Variants in PLCL1 observed in about 807,000 individuals in gnomAD.
The protein encoded by PLCL1 is phospholipase C like 1 (inactive).
Under a neutral mutation model 84.4 loss-of-function variants are expected in PLCL1, and 41 were observed. That is an observed-to-expected ratio of 0.49 (90% CI 0.38 to 0.63). The LOEUF is 0.63. PLCL1 is among the 30% of genes least tolerant of loss of function. PLCL1 has a pLI of 0.00. For synonymous variants in PLCL1, 490 were observed against 488.3 expected (o/e 1.00, Z -0.05); for missense variants, 1,206 against 1,367.8 (o/e 0.88, Z 1.87).
chr2:198,121,981 C>T (rs1386303461), intron 5 of PLCL1, among the ~76,000 whole-genome samples: 1 of 152,030 alleles, frequency 6.6e-6, no homozygotes, highest in East Asian at 1.9e-4. Context: ...TCAGCTCCTT[C>T]AAGCCATTTC....
intron 1 of PLCL1, among the ~76,000 whole-genome samples, chr2:198,022,802 T>C (rs931592534): frequency 3.3e-5 from 5 of 152,162 alleles, no homozygotes; most frequent in African/African-American, 7.2e-5. Context: ...AGAATCGATA[T>C]AGTGAAAATG....
intron 1 of PLCL1, among the ~76,000 whole-genome samples, chr2:197,936,792 G>A (rs1689063363): frequency 6.6e-6 from 1 of 152,038 alleles, no homozygotes; most frequent in Non-Finnish European, 1.5e-5. Context: ...TGTTGCTTGT[G>A]CTTTTAAGGT....
At chr2:197,924,196 A>G (rs1688789565) in intron 1 of PLCL1, among the ~76,000 whole-genome samples, 1 of 150,730 alleles carries the variant, frequency 6.6e-6, no homozygotes, top group Admixed American at 6.6e-5. Context: ...GCCCCCTTAC[A>G]TTTTTGCACG....
At chr2:198,131,759 A>G (rs571512059) in intron 5 of PLCL1, among the ~76,000 whole-genome samples, 1 of 152,144 alleles carries the variant, frequency 6.6e-6, no homozygotes, top group Non-Finnish European at 1.5e-5. Context: ...TTATCAAGCA[A>G]TCAAATGGTG....
intron 1 of PLCL1, among the ~76,000 whole-genome samples, chr2:198,048,954 T>C (rs1157862507): frequency 6.6e-6 from 1 of 152,220 alleles, no homozygotes; most frequent in Non-Finnish European, 1.5e-5. Context: ...GCAAAGTGAA[T>C]GGCTTATGCC....
chr2:198,090,585 C>G (rs1303321110), intron 3 of PLCL1, among the ~76,000 whole-genome samples: 3 of 152,036 alleles, frequency 2.0e-5, no homozygotes, highest in African/African-American at 7.2e-5. Flanking sequence ...ATGACCATAC[C>G]TGTTATAAAA....
rs192884965 is a variant in PLCL1 at position 197,978,214 on chromosome 2, C to T, written c.241-105544C>T. 9.2e-5 allele frequency among the ~76,000 whole-genome samples: 14 copies of T among 152,302 alleles called. No homozygotes were observed. The East Asian group carries it at 1.2e-3, about 13-fold the overall frequency. On this transcript the variant is annotated intron_variant, in intron 1 of 5. Transcript: ENST00000428675. ...AGTTCAGGCCGGGTGTGGTGGCTCA[C>T]GCCTGTAATCCCAGAACTTTGGGAG...
intron 5 of PLCL1, among the ~76,000 whole-genome samples, chr2:198,133,476 T>C (rs973400397): frequency 1.3e-5 from 2 of 148,290 alleles, no homozygotes; most frequent in Admixed American, 1.3e-4. Context: ...TGTATACATA[T>C]GTAACTAACC....
rs539022628 is a variant in PLCL1, at chr2:197,869,209, C to T, written c.240+63870C>T. Among the ~76,000 whole-genome samples the T allele has an allele frequency of 2.0e-5, 3 of 152,148 alleles. No individual in the cohort carries two copies. In the East Asian group the frequency reaches 5.8e-4, roughly 29 times the overall value. ...TAAGTAACTGAGTTTGAATTAAAACCAGGACTGTCCGATTTAAAGGCCCTA... is the reference window on the plus strand; with the variant it reads ...TAAGTAACTGAGTTTGAATTAAAACTAGGACTGTCCGATTTAAAGGCCCTA... On this transcript the variant is annotated intron_variant, in intron 1 of 5. Transcript: ENST00000428675.
chr2:198,023,595 C>T (rs1691190848), intron 1 of PLCL1, among the ~76,000 whole-genome samples: 1 of 152,194 alleles, frequency 6.6e-6, no homozygotes, highest in Non-Finnish European at 1.5e-5. Flanking sequence ...AGGATATGGA[C>T]AGACGCTTTT....
chr2:198,099,170 A>G (rs759302704), intron 3 of PLCL1, among the ~76,000 whole-genome samples: 2 of 152,142 alleles, frequency 1.3e-5, no homozygotes, highest in African/African-American at 4.8e-5. Flanking sequence ...CCCAGCCGTC[A>G]TGGCTGAGTC....
At chr2:198,013,961 C>T (rs1311206976) in intron 1 of PLCL1, among the ~76,000 whole-genome samples, 2 of 152,040 alleles carry the variant, frequency 1.3e-5, no homozygotes, top group African/African-American at 4.8e-5. Flanking sequence ...GAACTCTGCG[C>T]TCTTTATGGC....
At chr2:198,123,220 C>CCTCAAT (rs2105929522) in intron 5 of PLCL1, among the ~76,000 whole-genome samples, 1 of 152,028 alleles carries the variant, frequency 6.6e-6, no homozygotes, top group East Asian at 1.9e-4. Flanking sequence ...GCAAACTATC[C>CCTCAAT]CTCAATTTTA....
At chr2:197,822,418 A>G (rs966445303) in intron 1 of PLCL1, among the ~76,000 whole-genome samples, 1 of 152,170 alleles carries the variant, frequency 6.6e-6, no homozygotes, top group African/African-American at 2.4e-5. Flanking sequence ...TATAAAGAGT[A>G]AGTTTAAGTT....
At position 198,084,414 on chromosome 2, in the gene PLCL1, C is replaced by T. The variant is rs757754761; in HGVS notation, c.897C>T (p.Thr299=). 23 of 1,614,056 alleles carry T rather than the reference C, an allele frequency of 1.4e-5. No homozygotes were observed. The highest frequency in any genetic ancestry group is 1.7e-4 in the Middle Eastern group (1 of 6,060). The change falls in exon 2 of 6, where the codon ACC becomes ACT. Residue 299 remains threonine (T), a synonymous_variant. Transcript: ENST00000428675. ...KSKEKLTTRV[T]EEEFCEAFCE... ...AGGAAAAACTAACCACCCGCGTGAC[C>T]GAAGAGGAATTTTGTGAAGCTTTTT...
At chr2:197,838,657 C>T (rs190665097) in intron 1 of PLCL1, among the ~76,000 whole-genome samples, 9 of 152,252 alleles carry the variant, frequency 5.9e-5, no homozygotes, top group Admixed American at 5.2e-4. Flanking sequence ...GAAATATAAA[C>T]ACATATATCA....
At chr2:197,809,637 T>TA (rs1284876433) in intron 1 of PLCL1, among the ~76,000 whole-genome samples, 1 of 152,172 alleles carries the variant, frequency 6.6e-6, no homozygotes, top group African/African-American at 2.4e-5. Flanking sequence ...GCTTACATCC[T>TA]ATTGTTTTAC....
intron 5 of PLCL1, among the ~76,000 whole-genome samples, chr2:198,111,686 A>G (rs1693626387): frequency 6.6e-6 from 1 of 151,876 alleles, no homozygotes; most frequent in South Asian, 2.1e-4. Flanking sequence ...GATAGGGGAA[A>G]TGAGGCTCAG....
At chr2:198,077,195 C>A (rs898842566) in intron 1 of PLCL1, among the ~76,000 whole-genome samples, 2 of 152,150 alleles carry the variant, frequency 1.3e-5, no homozygotes. Flanking sequence ...CCTTTACTCT[C>A]AGTCTTGTCA....
Sources: allele counts gnomAD v4.1 joint callset (sites outside exome capture counted in the v4.1 genomes callset), GRCh38; gene constraint gnomAD v4.1.1; transcripts MANE v1.5; gene names NCBI Gene and HGNC (gene_info 2026-07-23, HGNC 2026-07-21).